CPPED1: variants seen among roughly 807,000 people sequenced by gnomAD.
CPPED1 encodes serine/threonine-protein phosphatase CPPED1.
A neutral mutation model predicts 28.0 loss-of-function variants in CPPED1; 28 were observed. The observed-to-expected ratio is 1.00, with a 90% CI of 0.74 to 1.37. CPPED1 has a LOEUF of 1.37. CPPED1 is among the 40% of genes most tolerant of loss of function. CPPED1 has a pLI of 0.00. For missense variants in CPPED1, 504 were observed against 416.5 expected, an observed-to-expected ratio of 1.21 and a Z score of -1.83; for synonymous variants, 198 against 180.2, an observed-to-expected ratio of 1.10 and a Z score of -0.79.
chr16:12,739,316 A>T (rs2080242394), intron 2 of CPPED1, among the ~76,000 whole-genome samples: 3 of 152,176 alleles, frequency 2.0e-5, no homozygotes, highest in Admixed American at 2.0e-4. Context: ...ACAGTGGCTC[A>T]CGCCTGTAAT....
At chr16:12,744,073 G>T (rs962745833) in intron 2 of CPPED1, among the ~76,000 whole-genome samples, 8 of 151,820 alleles carry the variant, frequency 5.3e-5, no homozygotes, top group Admixed American at 3.9e-4. Flanking sequence ...TCAGGAGATT[G>T]AGACCATCCT....
At chr16:12,779,744 G>A (rs959539267) in intron 2 of CPPED1, among the ~76,000 whole-genome samples, 4 of 151,912 alleles carry the variant, frequency 2.6e-5, no homozygotes, top group African/African-American at 7.3e-5. Flanking sequence ...GCCACCATGA[G>A]GAGGAACTGA....
At chr16:12,719,727 G>C (rs1191393888) in intron 2 of CPPED1, among the ~76,000 whole-genome samples, 1 of 152,094 alleles carries the variant, frequency 6.6e-6, no homozygotes. Flanking sequence ...CTGAGATCAG[G>C]AGTTCAAGAC....
At chr16:12,796,365 T>C (rs2080627618) in intron 1 of CPPED1, among the ~76,000 whole-genome samples, 1 of 151,688 alleles carries the variant, frequency 6.6e-6, no homozygotes, top group Non-Finnish European at 1.5e-5. Context: ...TGTGGTTGTG[T>C]GCACCTGAAA....
chr16:12,707,618 C>A (rs1401497275), intron 2 of CPPED1, among the ~76,000 whole-genome samples: 1 of 152,096 alleles, frequency 6.6e-6, no homozygotes, highest in Non-Finnish European at 1.5e-5. Flanking sequence ...ATGTCCGAAT[C>A]CCTAATGACC....
chr16:12,724,282 G>A (rs980061104), intron 2 of CPPED1, among the ~76,000 whole-genome samples: 6 of 152,146 alleles, frequency 3.9e-5, no homozygotes, highest in African/African-American at 1.2e-4. Flanking sequence ...CTACCCCAGT[G>A]AGCTCACCCT....
chr16:12,663,167 T>C lies in CPPED1; in HGVS notation c.*1719A>G, dbSNP rs1001729937. On this transcript the variant is annotated 3_prime_UTR_variant, in exon 4 of 4. Transcript: ENST00000381774. ...ACCTCTGCCTCCTGAGTTCCAGCGA[T>C]CTCCTGCCTCAGCCTCCCGAGTAGC... 6.6e-6 allele frequency: 1 copy of C among 151,482 alleles called. No homozygotes were observed. The highest frequency in any genetic ancestry group is 2.4e-5 in the African/African-American group (1 of 41,070). 9.4% of individuals were successfully genotyped at this position (151,482 alleles called of 1,614,324 possible). A position where few individuals can be genotyped will look rare whatever the true frequency, so the allele number is the denominator to read the frequency against.
intron 3 of CPPED1, among the ~76,000 whole-genome samples, chr16:12,665,586 G>A (rs1428948991): frequency 6.6e-6 from 1 of 151,946 alleles, no homozygotes; most frequent in Non-Finnish European, 1.5e-5. Context: ...GAGGTCAGGA[G>A]TTCGAGACCA....
At chr16:12,691,381 T>C (rs982851195) in intron 3 of CPPED1, among the ~76,000 whole-genome samples, 2 of 152,190 alleles carry the variant, frequency 1.3e-5, no homozygotes, top group Non-Finnish European at 2.9e-5. Flanking sequence ...GTTCAAGTGA[T>C]TCTCCTGCCT....
rs755231509 is a variant in CPPED1, at chr16:12,704,733, G to A, written c.606C>T (p.Val202=). 8 of 1,614,248 alleles carry A rather than the reference G, an allele frequency of 5.0e-6. No homozygotes were observed. The highest frequency in any genetic ancestry group is 6.8e-6 in the Non-Finnish European group (8 of 1,180,050). Reference sequence around the variant, plus strand: ...CCAGGAACAGCGGGATGTGCTGGAAGACGATGGCATGCTGGCAGTGCCGCT... The same window carrying A: ...CCAGGAACAGCGGGATGTGCTGGAAAACGATGGCATGCTGGCAGTGCCGCT... The part of the protein sequence containing the change: ...ARQRHCQHAI[V]FQHIPLFLES... Residue 202 remains valine, a synonymous_variant, in exon 3 of 4, where the codon GTC becomes GTT. Coordinates refer to ENST00000381774, the MANE Select transcript of CPPED1 (RefSeq NM_018340.3).
chr16:12,770,596 G>A (rs1406387108), intron 2 of CPPED1, among the ~76,000 whole-genome samples: 1 of 152,124 alleles, frequency 6.6e-6, no homozygotes, highest in African/African-American at 2.4e-5. Context: ...GCCAAGATGG[G>A]TGGATCACCT....
intron 1 of CPPED1, among the ~76,000 whole-genome samples, chr16:12,790,551 G>C (rs2141244166): frequency 6.6e-6 from 1 of 152,154 alleles, no homozygotes; most frequent in East Asian, 1.9e-4. Context: ...TGCTAAACCT[G>C]TTACTTGTAT....
chr16:12,764,404 T>C (rs1021234172), intron 2 of CPPED1, among the ~76,000 whole-genome samples: 5 of 152,116 alleles, frequency 3.3e-5, no homozygotes, highest in Admixed American at 2.6e-4. Flanking sequence ...GGTTTCACCA[T>C]GCTGGCCAGG....
chr16:12,664,783 C>T lies in CPPED1; in HGVS notation c.*103G>A. 6.5e-7 allele frequency: 1 copy of T among 1,540,650 alleles called. No homozygotes were observed. The highest frequency in any genetic ancestry group is 1.3e-5 in the South Asian group (1 of 79,874). On this transcript the variant is annotated 3_prime_UTR_variant, in exon 4 of 4. Coordinates refer to ENST00000381774, the MANE Select transcript of CPPED1 (RefSeq NM_018340.3). This position sits in a 1 kb window ranked among gnomAD's most constrained non-coding sequence, Gnocchi z 4.2. ...AAAGGACATAAATTCACAAACCTGC[C>T]TGGGCTATTTTTATATTTCAGCAAG...
chr16:12,795,543 T>C (rs986223802), intron 1 of CPPED1, among the ~76,000 whole-genome samples: 2 of 152,170 alleles, frequency 1.3e-5, no homozygotes, highest in African/African-American at 2.4e-5. Flanking sequence ...TTTCACCATG[T>C]TGGCCAGGCT....
chr16:12,720,113 G>A (rs1044971931), intron 2 of CPPED1, among the ~76,000 whole-genome samples: 1 of 152,142 alleles, frequency 6.6e-6, no homozygotes, highest in African/African-American at 2.4e-5. Context: ...CTAGACAGGA[G>A]AGCACAGATG....
intron 2 of CPPED1, among the ~76,000 whole-genome samples, chr16:12,723,859 A>G (rs902643093): frequency 3.6e-4 from 54 of 152,062 alleles, no homozygotes; most frequent in African/African-American, 1.2e-3. Context: ...GTTTCTGCCC[A>G]TGCCACTGCC....
chr16:12,709,848 G>A lies in CPPED1; in HGVS notation c.290-4799C>T, dbSNP rs578199026. 6.6e-6 allele frequency among the ~76,000 whole-genome samples: 1 copy of A among 151,584 alleles called. No individual in the cohort carries two copies. The highest frequency in any genetic ancestry group is 1.5e-5 in the Non-Finnish European group (1 of 67,936). On this transcript the variant is annotated intron_variant, in intron 2 of 3. Coordinates refer to ENST00000381774, the MANE Select transcript of CPPED1 (RefSeq NM_018340.3). The surrounding 1 kb of genome is among the most constrained non-coding windows in gnomAD (Gnocchi z 4.4). ...AACATCATACTAGAAATCCTAGCCA[G>A]TGCAATAGGCAGGCAGGCAGGCAGT...
rs1317053563 is a variant in CPPED1, at chr16:12,661,503, A to G, written c.*3383T>C. On this transcript the variant is annotated 3_prime_UTR_variant, in exon 4 of 4. Coordinates refer to ENST00000381774, the MANE Select transcript of CPPED1 (RefSeq NM_018340.3). ...ATCATCTCCCCAGCCCCATTCCCAA[A>G]GTCACTTGAGCCTTTGCAATCCAAT... is the stretch of plus-strand genomic sequence containing the variant. The G allele has an allele frequency of 6.6e-6, 1 of 152,248 alleles. No homozygotes were observed. The highest frequency in any genetic ancestry group is 2.4e-5 in the African/African-American group (1 of 41,458). 9.4% of individuals were successfully genotyped at this position (152,248 alleles called of 1,614,324 possible). A position where few individuals can be genotyped will look rare whatever the true frequency, so the allele number is the denominator to read the frequency against.
Sources: allele counts gnomAD v4.1 joint callset (sites outside exome capture counted in the v4.1 genomes callset), GRCh38; gene constraint gnomAD v4.1.1; non-coding constraint Gnocchi (gnomAD v3.1); transcripts MANE v1.5; gene names NCBI Gene and HGNC (gene_info 2026-07-23, HGNC 2026-07-21).